The following MEP1B variants were observed in gnomAD, a reference collection of about 807,000 sequenced individuals.
The protein encoded by MEP1B is meprin A subunit beta, also known as N-benzoyl-L-tyrosyl-P-amino-benzoic acid hydrolase subunit beta.
A neutral mutation model predicts 84.6 loss-of-function variants in MEP1B; 80 were observed. That is an observed-to-expected ratio of 0.95 (90% confidence interval 0.79 to 1.14). The LOEUF is 1.14. Among genes scored for constraint, MEP1B ranks in the 50% most tolerant of loss-of-function variants. The pLI, the probability that MEP1B is intolerant of heterozygous loss-of-function variation, is 0.00. For synonymous variants in MEP1B, 273 were observed against 288.1 expected (o/e 0.95, Z 0.53); for missense variants, 766 against 855.1 (o/e 0.90, Z 1.30).
intron 6 of MEP1B, 41 bp from the exon 7 acceptor site, chr18:32,204,141 G>A: frequency 6.4e-7 from 1 of 1,563,152 alleles, no homozygotes. Context: ...ACCTCAGATT[G>A]TAACATTCTC....
chr18:32,217,668 C>A lies in MEP1B; in HGVS notation c.1887-93C>A. The A allele has an allele frequency of 2.8e-6, 3 of 1,056,108 alleles. No individual in the cohort carries two copies. In the South Asian group the frequency reaches 4.1e-5, roughly 14 times the overall value. 65.4% of individuals were successfully genotyped at this position (1,056,108 alleles called of 1,614,324 possible). A position where few individuals can be genotyped will look rare whatever the true frequency, so the allele number is the denominator to read the frequency against. On this transcript the variant is annotated intron_variant, in intron 13 of 14. Coordinates refer to ENST00000269202, the MANE Select transcript of MEP1B (RefSeq NM_005925.3). ...CATATAGCAATGACCTATTGGTGAT[C>A]AAATAGACTAAAGGTGATCCACATC...
intron 11 of MEP1B, among the ~76,000 whole-genome samples, chr18:32,214,364 A>C (rs765202820): frequency 6.6e-6 from 1 of 152,160 alleles, no homozygotes; most frequent in Non-Finnish European, 1.5e-5. Flanking sequence ...AAGCTGAATA[A>C]TTTTGCCAAA....
chr18:32,208,094 A>G, intron 8 of MEP1B, 25 bp from the exon 9 acceptor site: 1 of 1,611,360 alleles, frequency 6.2e-7, no homozygotes, highest in Non-Finnish European at 8.5e-7. Flanking sequence ...TATGAGTGTC[A>G]ATAATTGTTT....
In MEP1B at chr18:32,204,318, C is replaced by T. The variant is rs531662397; in HGVS notation, c.505C>T (p.Arg169Trp). Residue 169 changes from arginine to tryptophan, a missense_variant, in exon 7 of 15, where the codon CGG becomes TGG. Physicochemically the swap from Arg to Trp is moderately radical, Grantham distance 101 (BLOSUM62 -3). Coordinates refer to ENST00000269202, the MANE Select transcript of MEP1B (RefSeq NM_005925.3). ...CTGGCATGAGCAGTCGCGTTCTGACCGGGATGACTATGTCAGGATAATGTG... is the reference window on the plus strand; with the variant it reads ...CTGGCATGAGCAGTCGCGTTCTGACTGGGATGACTATGTCAGGATAATGTG... Reference protein sequence around the residue: ...GFWHEQSRSDRDDYVRIMWDR... With the variant: ...GFWHEQSRSDWDDYVRIMWDR... 7.7e-5 allele frequency: 123 copies of T among 1,601,908 alleles called. No homozygotes were observed. The highest frequency in any genetic ancestry group is 9.7e-5 in the Non-Finnish European group (114 of 1,174,510).
chr18:32,199,160 A>G (rs565585611), intron 5 of MEP1B, among the ~76,000 whole-genome samples: 3 of 152,210 alleles, frequency 2.0e-5, no homozygotes, highest in African/African-American at 4.8e-5. Context: ...GGAGATACCA[A>G]ATAAATTCTT....
At chr18:32,198,737 C>T (rs2040880423) in intron 5 of MEP1B, among the ~76,000 whole-genome samples, 1 of 151,858 alleles carries the variant, frequency 6.6e-6, no homozygotes, top group Admixed American at 6.6e-5. Flanking sequence ...TAACATGGGG[C>T]CACCAAAAGT....
In MEP1B at chr18:32,213,105, C is replaced by T. The variant is rs1347339092; in HGVS notation, c.1136-11C>T. ...TTCTTTGTCTTTGAAATAATAATGACTCTTTTGCAGAAATACCCACTGGGA... is the reference window on the plus strand; with the variant it reads ...TTCTTTGTCTTTGAAATAATAATGATTCTTTTGCAGAAATACCCACTGGGA... On this transcript the variant is annotated splice_polypyrimidine_tract_variant and intron_variant, in intron 10 of 14. Transcript: ENST00000269202. 1.9e-6 allele frequency: 3 copies of T among 1,607,992 alleles called. No individual in the cohort carries two copies. The highest frequency in any genetic ancestry group is 2.6e-6 in the Non-Finnish European group (3 of 1,175,220).
chr18:32,213,248 C>G lies in MEP1B; in HGVS notation c.1268C>G (p.Ser423Trp), dbSNP rs375895692. The G allele has an allele frequency of 1.9e-6, 3 of 1,613,978 alleles. No individual in the cohort carries two copies. The South Asian group carries it at 3.3e-5, about 18-fold the overall frequency. ...CTGTCTATTGATGACATCAATCTTTCGGAAACACGGTGCCCTCATCATATC... is the reference window on the plus strand; with the variant it reads ...CTGTCTATTGATGACATCAATCTTTGGGAAACACGGTGCCCTCATCATATC... ...GGLSIDDINL[S>W]ETRCPHHIWH... Residue 423 changes from serine to tryptophan, a missense_variant, in exon 11 of 15, where the codon TCG becomes TGG. Coordinates refer to ENST00000269202, the MANE Select transcript of MEP1B (RefSeq NM_005925.3).
chr18:32,215,101 G>C lies in MEP1B; in HGVS notation c.1599G>C (p.Trp533Cys). ...TTTCAGATAATGGAAACTATTTCTGGGACAGGCCTTCTAAAGTGGGAACAG... is the reference window on the plus strand; with the variant it reads ...TTTCAGATAATGGAAACTATTTCTGCGACAGGCCTTCTAAAGTGGGAACAG... The part of the protein sequence containing the change: ...FMTTDNGNYF[W>C]DRPSKVGTVA... The change falls in exon 12 of 15, where the codon TGG (tryptophan) becomes TGC (cysteine). Residue 533 changes from tryptophan to cysteine, a missense_variant. Trp to Cys is a radical substitution (Grantham distance 215). Transcript: ENST00000269202. The C allele has an allele frequency of 1.3e-6, 2 of 1,597,152 alleles. No homozygotes were observed. Among genetic ancestry groups the C allele is most frequent in the Non-Finnish European group, 1.7e-6 (2 of 1,171,682 alleles).
chr18:32,199,660 T>TTCC (rs1256249848), intron 5 of MEP1B, among the ~76,000 whole-genome samples: 9,655 of 96,452 alleles, frequency 0.1, 542 homozygotes, highest in Non-Finnish European at 0.11. Context: ...CTTTTTTTCC[T>TTCC]TTCGTTCGTT....
intron 4 of MEP1B, 112 bp from the exon 5 acceptor site, chr18:32,195,295 G>C: frequency 1.5e-6 from 1 of 660,482 alleles, no homozygotes; most frequent in Non-Finnish European, 2.7e-6. Flanking sequence ...CACACAATTT[G>C]TTTGTGCGAA....
chr18:32,217,990 A>T (rs756391999), intron 14 of MEP1B, 25 bp downstream of exon 14: 2 of 1,608,522 alleles, frequency 1.2e-6, no homozygotes, highest in East Asian at 4.5e-5. Flanking sequence ...ATGTTTGATT[A>T]TTCATAACCT....
At chr18:32,205,594 C>G (rs1160905735) in intron 7 of MEP1B, among the ~76,000 whole-genome samples, 1 of 152,164 alleles carries the variant, frequency 6.6e-6, no homozygotes, top group Non-Finnish European at 1.5e-5. Flanking sequence ...TTAGGATTCC[C>G]AAAGTCTTAT....
Position 32,196,486 on chromosome 18 carries a change from C to T in MEP1B, c.250+1001C>T. On this transcript the variant is annotated intron_variant, in intron 5 of 14. Transcript: ENST00000269202. The surrounding 1 kb of genome is among the most constrained non-coding windows in gnomAD (Gnocchi z 4.4). ...GCTGCAGGGCCGACCGGAAACTCAGCTTTGCTCTCATAGACCGAGGTGATG... is the reference window on the plus strand; with the variant it reads ...GCTGCAGGGCCGACCGGAAACTCAGTTTTGCTCTCATAGACCGAGGTGATG... The T allele has an allele frequency of 4.3e-6, 3 of 695,370 alleles. No individual in the cohort carries two copies. In the South Asian group the frequency reaches 4.4e-5, roughly 10 times the overall value. 43.1% of individuals were successfully genotyped at this position (695,370 alleles called of 1,614,324 possible). A position where few individuals can be genotyped will look rare whatever the true frequency, so the allele number is the denominator to read the frequency against.
intron 14 of MEP1B, among the ~76,000 whole-genome samples, chr18:32,219,810 G>GCGCA (rs1555708604): frequency 2.7e-5 from 4 of 149,202 alleles, no homozygotes; most frequent in Non-Finnish European, 6.0e-5. Context: ...AAACACACAT[G>GCGCA]CACACACACA....
intron 12 of MEP1B, 103 bp from the exon 13 acceptor site, chr18:32,216,888 A>C: frequency 2.2e-6 from 3 of 1,366,152 alleles, no homozygotes; most frequent in Non-Finnish European, 3.0e-6. Context: ...AAAGAAAGAA[A>C]GAAAAAAGGA....
Position 32,196,734 on chromosome 18 carries a change from C to T in MEP1B, c.250+1249C>T. On this transcript the variant is annotated intron_variant, in intron 5 of 14. Coordinates refer to ENST00000269202, the MANE Select transcript of MEP1B (RefSeq NM_005925.3). This position sits in a 1 kb window ranked among gnomAD's most constrained non-coding sequence, Gnocchi z 4.4. ...GCTGAGGGCCAGGGACAGCTGCCTG[C>T]TGGTGAAGCAGTGCAGGGCCAGGTG... 1 of 638,452 alleles carries T rather than the reference C, an allele frequency of 1.6e-6. No individual in the cohort carries two copies. Among genetic ancestry groups the T allele is most frequent in the Non-Finnish European group, 2.9e-6 (1 of 350,610 alleles). 39.5% of individuals were successfully genotyped at this position (638,452 alleles called of 1,614,324 possible). A position where few individuals can be genotyped will look rare whatever the true frequency, so the allele number is the denominator to read the frequency against.
At chr18:32,219,094 T>C (rs2144441955) in intron 14 of MEP1B, among the ~76,000 whole-genome samples, 1 of 152,274 alleles carries the variant, frequency 6.6e-6, no homozygotes, top group East Asian at 1.9e-4. Flanking sequence ...AAATGCCCAA[T>C]TAGAATATCT....
At chr18:32,220,069 C>T (rs1240528446) in intron 14 of MEP1B, among the ~76,000 whole-genome samples, 162 bp from the exon 15 acceptor site, 1 of 152,094 alleles carries the variant, frequency 6.6e-6, no homozygotes, top group South Asian at 2.1e-4. Context: ...AGCCAGGGCT[C>T]GAAATGGAGA....
Sources: allele counts gnomAD v4.1 joint callset (sites outside exome capture counted in the v4.1 genomes callset), GRCh38; gene constraint gnomAD v4.1.1; non-coding constraint Gnocchi (gnomAD v3.1); transcripts MANE v1.5; gene names NCBI Gene and HGNC (gene_info 2026-07-23, HGNC 2026-07-21).